RBMS1: variants seen among roughly 807,000 people sequenced by gnomAD.
RBMS1 encodes RNA binding motif single stranded interacting protein 1.
RBMS1 carries 17 observed loss-of-function variants against 62.3 expected under a neutral mutation model. The ratio of observed to expected loss-of-function variants is 0.27; its 90% CI spans 0.19 to 0.41. The LOEUF is 0.41. Ranked by LOEUF, RBMS1 falls within the 10% of genes least tolerant of loss-of-function variation. The pLI is 1.00. For synonymous variants in RBMS1, 172 were observed against 170.0 expected, an observed-to-expected ratio of 1.01 and a Z score of -0.09; for missense variants, 334 against 504.5, an observed-to-expected ratio of 0.66 and a Z score of 3.24.
At chr2:160,383,211 G>A (rs1694369333) in intron 1 of RBMS1, among the ~76,000 whole-genome samples, 1 of 152,108 alleles carries the variant, frequency 6.6e-6, no homozygotes, top group South Asian at 2.1e-4. Flanking sequence ...TAAGGGAGAA[G>A]CCTTCCTTGC....
At chr2:160,423,684 T>C (rs1458008538) in intron 1 of RBMS1, among the ~76,000 whole-genome samples, 1 of 152,140 alleles carries the variant, frequency 6.6e-6, no homozygotes, top group Non-Finnish European at 1.5e-5. Context: ...ACAACTAACA[T>C]TTCAGTAATC....
chr2:160,418,166 T>C (rs1696279366), intron 1 of RBMS1, among the ~76,000 whole-genome samples: 1 of 152,198 alleles, frequency 6.6e-6, no homozygotes, highest in Admixed American at 6.5e-5. Flanking sequence ...CTTTAAACTG[T>C]CAGTTGCAAA....
intron 1 of RBMS1, among the ~76,000 whole-genome samples, chr2:160,396,685 C>G (rs1005709865): frequency 2.0e-5 from 3 of 151,212 alleles, no homozygotes; most frequent in African/African-American, 7.3e-5. Flanking sequence ...CCTGCCTCAG[C>G]CTCCTGAGTG....
intron 6 of RBMS1, among the ~76,000 whole-genome samples, chr2:160,291,811 G>C (rs12692589): frequency 0.18 from 27,225 of 152,038 alleles, 3,251 homozygotes; most frequent in Admixed American, 0.35. Flanking sequence ...CATCAACTAA[G>C]AGTTGTTTAT....
At chr2:160,303,225 C>T in intron 5 of RBMS1, 105 bp downstream of exon 5, 1 of 1,237,792 alleles carries the variant, frequency 8.1e-7, no homozygotes, top group Non-Finnish European at 1.1e-6. Context: ...CAACTGCTCC[C>T]ATAACCCTAG....
At chr2:160,449,102 C>T (rs1396138522) in intron 1 of RBMS1, among the ~76,000 whole-genome samples, 10 of 151,634 alleles carry the variant, frequency 6.6e-5, no homozygotes, top group South Asian at 2.1e-4. Flanking sequence ...GCCCGGCAGC[C>T]GCCCCGTCTG....
At chr2:160,323,525 A>T (rs971651818) in intron 2 of RBMS1, among the ~76,000 whole-genome samples, 1 of 151,590 alleles carries the variant, frequency 6.6e-6, no homozygotes, top group Non-Finnish European at 1.5e-5. Context: ...GTACTAGGAG[A>T]AACAGGTCTC....
intron 2 of RBMS1, among the ~76,000 whole-genome samples, chr2:160,348,190 A>G (rs1249038423): frequency 6.6e-6 from 1 of 152,116 alleles, no homozygotes; most frequent in Non-Finnish European, 1.5e-5. Flanking sequence ...TTTTCCCAAA[A>G]GAGTATATGC....
chr2:160,383,342 A>G (rs937449482), intron 1 of RBMS1, among the ~76,000 whole-genome samples: 4 of 151,512 alleles, frequency 2.6e-5, no homozygotes, highest in African/African-American at 7.3e-5. Flanking sequence ...ACACCAGTCA[A>G]TGGTCACTGG....
At chr2:160,316,541 G>C (rs1046400392) in intron 3 of RBMS1, among the ~76,000 whole-genome samples, 6 of 152,174 alleles carry the variant, frequency 3.9e-5, no homozygotes, top group Admixed American at 3.9e-4. Context: ...GTTAGATTTA[G>C]CATTAGTTTA....
At chr2:160,324,880 G>GTATATATATA (rs747823378) in intron 2 of RBMS1, among the ~76,000 whole-genome samples, 263 of 75,820 alleles carry the variant, frequency 3.5e-3, no homozygotes, top group South Asian at 4.6e-3. Context: ...GTGTGTGTGT[G>GTATATATATA]TGTATATATA....
chr2:160,377,213 A>G (rs1378351720), intron 1 of RBMS1, among the ~76,000 whole-genome samples: 1 of 152,222 alleles, frequency 6.6e-6, no homozygotes, highest in Non-Finnish European at 1.5e-5. Flanking sequence ...TTGTGAAACA[A>G]TATTTTCCTT....
Position 160,314,267 on chromosome 2 carries a change from T to C in RBMS1, c.311-1020A>G, listed in dbSNP as rs552447336. On this transcript the variant is annotated intron_variant, in intron 3 of 13. Coordinates refer to ENST00000348849, the MANE Select transcript of RBMS1 (RefSeq NM_016836.4). ...CTTTTCACTGTGATAATTCTTAAGT[T>C]ATTGAGAAAAGGGTCAAGTTATATT... 7.9e-5 allele frequency among the ~76,000 whole-genome samples: 12 copies of C among 152,256 alleles called. 1 individual carries two copies. The South Asian group carries it at 1.9e-3, about 24-fold the overall frequency.
chr2:160,456,806 TC>T (rs1213393652), intron 1 of RBMS1, among the ~76,000 whole-genome samples: 1 of 152,148 alleles, frequency 6.6e-6, no homozygotes, highest in Non-Finnish European at 1.5e-5. Flanking sequence ...TTCTCCAGCC[TC>T]CCCTTGAGCC....
At position 160,318,227 on chromosome 2, in the gene RBMS1, T is replaced by C. The variant is rs558447977; in HGVS notation, c.252A>G (p.Pro84=). 3 of 933,710 alleles carry C rather than the reference T, an allele frequency of 3.2e-6. No individual in the cohort carries two copies. The highest frequency in any genetic ancestry group is 4.1e-4 in the Middle Eastern group (1 of 2,442). 57.8% of individuals were successfully genotyped at this position (933,710 alleles called of 1,614,324 possible). A position where few individuals can be genotyped will look rare whatever the true frequency, so the allele number is the denominator to read the frequency against. The part of the protein sequence containing the change: ...TDQDLVKLCQ[P]YGKIVSTKAI... ...CCTTTGTGGAGACTATTTTCCCATA[T>C]CTAAAAAAAAAAAAAAAAAAAAAAA... Residue 84 remains proline (P), a splice_region_variant and synonymous_variant, in exon 3 of 14, where the codon CCA becomes CCG. Transcript: ENST00000348849.
intron 1 of RBMS1, among the ~76,000 whole-genome samples, chr2:160,438,601 C>G (rs960667888): frequency 1.8e-4 from 28 of 152,324 alleles, no homozygotes; most frequent in African/African-American, 5.8e-4. Flanking sequence ...AACAGGATCC[C>G]AAGGCAGAAG....
At chr2:160,301,593 G>A (rs1021803950) in intron 5 of RBMS1, among the ~76,000 whole-genome samples, 9 of 152,148 alleles carry the variant, frequency 5.9e-5, no homozygotes, top group Non-Finnish European at 8.8e-5. Flanking sequence ...ACAAAATGAT[G>A]CTGAGCTATT....
chr2:160,366,950 T>G (rs1428747783), intron 2 of RBMS1: 2 of 256,814 alleles, frequency 7.8e-6, no homozygotes, highest in African/African-American at 4.5e-5. Flanking sequence ...TTAAAAAAAT[T>G]CATATTTTAC....
At chr2:160,337,885 C>G (rs1396757406) in intron 2 of RBMS1, among the ~76,000 whole-genome samples, 1 of 152,160 alleles carries the variant, frequency 6.6e-6, no homozygotes, top group Non-Finnish European at 1.5e-5. Context: ...CTCTGAAGTA[C>G]AGGACTTGGT....
Sources: allele counts gnomAD v4.1 joint callset (sites outside exome capture counted in the v4.1 genomes callset), GRCh38; gene constraint gnomAD v4.1.1; transcripts MANE v1.5; gene names NCBI Gene and HGNC (gene_info 2026-07-23, HGNC 2026-07-21).